The following CAMK2A variants were observed in gnomAD, a reference collection of about 807,000 sequenced individuals.
The protein encoded by CAMK2A is calcium/calmodulin-dependent protein kinase type II subunit alpha.
Under a neutral mutation model 79.2 loss-of-function variants are expected in CAMK2A, and 7 were observed. The observed-to-expected ratio is 0.09, with a 90% CI of 0.05 to 0.17. CAMK2A has a LOEUF of 0.17. CAMK2A is among the 10% of genes least tolerant of loss of function. The probability of loss-of-function intolerance (pLI) is 1.00; values close to 1 mark genes in which losing one functional copy is unlikely to be tolerated. For missense variants in CAMK2A, 214 were observed against 646.4 expected (o/e 0.33, Z 7.25); for synonymous variants, 242 against 251.7 (o/e 0.96, Z 0.36).
chr5:150,245,300 C>T (rs1755516302), intron 12 of CAMK2A, 99 bp from the exon 13 acceptor site: 11 of 1,136,038 alleles, frequency 9.7e-6, no homozygotes, highest in Non-Finnish European at 1.3e-5. Flanking sequence ...GGAGGGCAGA[C>T]TGCAGGGAGC....
chr5:150,275,499 A>C (rs1163359433), intron 1 of CAMK2A, among the ~76,000 whole-genome samples: 53 of 152,264 alleles, frequency 3.5e-4, no homozygotes, highest in Non-Finnish European at 1.5e-5. Context: ...GTCCTACAAG[A>C]CTTTCCCCTT....
In CAMK2A at chr5:150,239,718, T is replaced by G; in HGVS notation, c.1003A>C (p.Ser335Arg). 1 of 1,613,944 alleles carries G rather than the reference T, an allele frequency of 6.2e-7. No homozygotes were observed. The highest frequency in any genetic ancestry group is 8.5e-7 in the Non-Finnish European group (1 of 1,179,908). The change falls in exon 14 of 19, where the codon AGC becomes CGC. Residue 335 changes from serine to arginine, a missense_variant. Transcript: ENST00000671881. ...CAGACACTCACCATTAACTGAACGCTGGAACTGGACTTTCTTTTCTGGAAA... is the reference window on the plus strand; with the variant it reads ...CAGACACTCACCATTAACTGAACGCGGGAACTGGACTTTCTTTTCTGGAAA... ...DGVKKRKSSS[S>R]VQLMESSEST...
chr5:150,250,564 G>T, intron 10 of CAMK2A, 124 bp downstream of exon 10: 4 of 1,335,124 alleles, frequency 3.0e-6, no homozygotes, highest in Non-Finnish European at 3.1e-6. Flanking sequence ...ACCACAGCAG[G>T]GGCAGTCTCT....
chr5:150,247,670 CCCCAGGCCCAG>C, intron 12 of CAMK2A, 91 bp downstream of exon 12: 1 of 906,964 alleles, frequency 1.1e-6, no homozygotes, highest in Non-Finnish European at 1.7e-6. Context: ...AACTCCCTCT[CCCCAGGCCCAG>C]TGGCCTGGGG....
intron 3 of CAMK2A, among the ~76,000 whole-genome samples, chr5:150,258,147 G>A (rs1756140967): frequency 6.6e-6 from 1 of 152,232 alleles, no homozygotes; most frequent in Non-Finnish European, 1.5e-5. Flanking sequence ...GGAGCATGGA[G>A]GCCAGAGGCA....
chr5:150,251,654 T>G (rs1755838701), intron 9 of CAMK2A, 96 bp downstream of exon 9: 2 of 900,468 alleles, frequency 2.2e-6, no homozygotes, highest in East Asian at 5.3e-5. Context: ...CCCCTGGGGT[T>G]CACCCCTGTG....
chr5:150,236,458 TC>T (rs1298451357), intron 15 of CAMK2A, among the ~76,000 whole-genome samples: 2 of 152,246 alleles, frequency 1.3e-5, no homozygotes, highest in East Asian at 3.8e-4. Context: ...TCTTCTCATT[TC>T]ATCTGCACAG....
intron 1 of CAMK2A, among the ~76,000 whole-genome samples, chr5:150,273,801 T>G (rs1394622268): frequency 6.6e-6 from 1 of 152,248 alleles, no homozygotes; most frequent in Non-Finnish European, 1.5e-5. Context: ...GATCCTTTAT[T>G]CAGCCAGTCC....
Position 150,251,974 on chromosome 5 carries a change from G to T in CAMK2A, c.598+8C>A, listed in dbSNP as rs758421457. On this transcript the variant is annotated splice_region_variant and intron_variant, in intron 8 of 18. Transcript: ENST00000671881. ...CAGGGGCACAAAAGGGCCTTAGGAT[G>T]AACTCACCACAAGCCCACAGGTCCA... 7.4e-6 allele frequency: 12 copies of T among 1,612,570 alleles called. No homozygotes were observed. The South Asian group carries it at 1.1e-4, about 15-fold the overall frequency.
At chr5:150,251,382 G>T (rs1233313798) in intron 9 of CAMK2A, among the ~76,000 whole-genome samples, 2 of 152,108 alleles carry the variant, frequency 1.3e-5, no homozygotes, top group Non-Finnish European at 1.5e-5. Flanking sequence ...TGTAAAATGG[G>T]AATAATAACA....
chr5:150,250,060 C>T (rs530463474), intron 11 of CAMK2A, among the ~76,000 whole-genome samples, 166 bp downstream of exon 11: 47 of 152,324 alleles, frequency 3.1e-4, no homozygotes, highest in African/African-American at 9.9e-4. Flanking sequence ...AGTCATTCAC[C>T]GCTCACTCCC....
At chr5:150,236,029 T>C (rs1486490608) in intron 15 of CAMK2A, among the ~76,000 whole-genome samples, 1 of 152,138 alleles carries the variant, frequency 6.6e-6, no homozygotes, top group Non-Finnish European at 1.5e-5. Flanking sequence ...ATAAGCCATA[T>C]GTGCCCTTTC....
rs368367831 is a variant in CAMK2A at position 150,250,799 on chromosome 5, C to A, written c.705G>T (p.Pro235=). 16 of 1,613,954 alleles carry A rather than the reference C, an allele frequency of 9.9e-6. No individual in the cohort carries two copies. In the South Asian group the frequency reaches 1.3e-4, roughly 13 times the overall value. Residue 235 remains proline (P), a synonymous_variant, in exon 10 of 19, where the codon CCG becomes CCT. Transcript: ENST00000671881. ...CTTCCGGGGTGACAGTGTCCCATTC[C>A]GGCGATGGGAACTGGAAGGGGCAGA... The part of the protein sequence containing the change: ...IKAGAYDFPS[P]EWDTVTPEAK...
At chr5:150,250,110 T>C in intron 11 of CAMK2A, 116 bp downstream of exon 11, 1 of 775,986 alleles carries the variant, frequency 1.3e-6, no homozygotes, top group South Asian at 1.6e-5. Flanking sequence ...AGGTGTTCAA[T>C]AAATGCTTAT....
chr5:150,257,600 T>C lies in CAMK2A; in HGVS notation c.235A>G (p.Ile79Val), dbSNP rs202107716. 1.1e-4 allele frequency: 179 copies of C among 1,571,782 alleles called. 1 individual carries two copies. Among genetic ancestry groups the C allele is most frequent in the Non-Finnish European group, 1.5e-4 (169 of 1,158,598 alleles). ...HPNIVRLHDS[I>V]SEEGHHYLIF... The stretch of plus-strand genomic sequence containing the variant: ...AGGTAGTGGTGTCCCTCCTCTGAGA[T>C]GCTGTCATGTAGTCGGACTGTGGGC... Residue 79 changes from isoleucine to valine, a missense_variant, in exon 4 of 19, where the codon ATC becomes GTC. This residue lies in a region of CAMK2A where 72 missense variants were observed against 333.9 expected (regional missense o/e 0.22). Coordinates refer to ENST00000671881, the MANE Select transcript of CAMK2A (RefSeq NM_015981.4).
chr5:150,283,499 C>T (rs748205689), intron 1 of CAMK2A, among the ~76,000 whole-genome samples: 6 of 152,158 alleles, frequency 3.9e-5, no homozygotes, highest in Admixed American at 1.3e-4. Flanking sequence ...CTCAGCCTCC[C>T]GAGTAGCTGG....
At chr5:150,262,866 G>A (rs1045469268) in intron 3 of CAMK2A, among the ~76,000 whole-genome samples, 3 of 152,062 alleles carry the variant, frequency 2.0e-5, no homozygotes, top group Admixed American at 6.6e-5. Flanking sequence ...GATTGAAACC[G>A]GGTGTCTGAC....
Position 150,221,098 on chromosome 5 carries a change from C to T in CAMK2A, c.*1612G>A, listed in dbSNP as rs1012102388. 4.4e-5 allele frequency: 8 copies of T among 182,734 alleles called. No homozygotes were observed. Among genetic ancestry groups the T allele is most frequent in the Non-Finnish European group, 6.8e-5 (6 of 88,600 alleles). 11.3% of individuals were successfully genotyped at this position (182,734 alleles called of 1,614,324 possible). The stretch of plus-strand genomic sequence containing the variant: ...GAGAGGCAGCAACATAATTCCGAGT[C>T]GGACACTGAGAATACAACCTCTATT... On this transcript the variant is annotated 3_prime_UTR_variant, in exon 19 of 19. Coordinates refer to ENST00000671881, the MANE Select transcript of CAMK2A (RefSeq NM_015981.4).
chr5:150,228,362 T>C (rs921314926), intron 16 of CAMK2A, 76 bp from the exon 17 acceptor site: 9 of 977,458 alleles, frequency 9.2e-6, no homozygotes, highest in South Asian at 1.4e-5. Flanking sequence ...GCCTGTGAAA[T>C]AGGAATGATT....
Sources: allele counts gnomAD v4.1 joint callset (sites outside exome capture counted in the v4.1 genomes callset), GRCh38; gene constraint gnomAD v4.1.1; regional missense constraint gnomAD v4.1.1; transcripts MANE v1.5; gene names NCBI Gene and HGNC (gene_info 2026-07-23, HGNC 2026-07-21).